ARAP2: variants seen among roughly 807,000 people sequenced by gnomAD.
ARAP2 encodes arf-GAP with Rho-GAP domain, ANK repeat and PH domain-containing protein 2.
ARAP2 carries 148 observed loss-of-function variants against 194.5 expected under a neutral mutation model. That is an observed-to-expected ratio of 0.76 (90% confidence interval 0.67 to 0.87). ARAP2 has a LOEUF of 0.87. Among genes scored for constraint, ARAP2 ranks in the 40% least tolerant of loss-of-function variants. The pLI, the probability that ARAP2 is intolerant of heterozygous loss-of-function variation, is 0.00. For synonymous variants in ARAP2, 695 were observed against 683.5 expected (o/e 1.02, Z -0.26); for missense variants, 2,128 against 1,989.7 (o/e 1.07, Z -1.32).
chr4:36,075,853 T>G (rs564128546), intron 31 of ARAP2, among the ~76,000 whole-genome samples: 53 of 152,234 alleles, frequency 3.5e-4, no homozygotes, highest in Non-Finnish European at 7.2e-4. Context: ...CACTTTAAAT[T>G]TAACCTTAAA....
intron 8 of ARAP2, among the ~76,000 whole-genome samples, chr4:36,013,774 G>T (rs906691980): frequency 1.3e-5 from 2 of 152,008 alleles, no homozygotes; most frequent in Non-Finnish European, 2.9e-5. Context: ...CTGATAACAG[G>T]TAATTATAGG....
chr4:36,159,994 C>T lies in ARAP2; in HGVS notation c.2442+465G>A, dbSNP rs550940681. The T allele has an allele frequency of 2.1e-5, 16 of 759,614 alleles. No individual in the cohort carries two copies. The East Asian group carries it at 1.7e-3, about 79-fold the overall frequency. The allele number at this position is 759,614 out of a possible 1,614,324, so 47.1% of individuals were successfully genotyped here. On this transcript the variant is annotated intron_variant, in intron 13 of 32. Coordinates refer to ENST00000303965, the MANE Select transcript of ARAP2 (RefSeq NM_015230.4). Reference sequence around the variant, plus strand: ...AATTCAGGATCTTCCCCTCAGGGGCCGAGGATAGGAAGGAGGAAGAACAGT... The same window carrying T: ...AATTCAGGATCTTCCCCTCAGGGGCTGAGGATAGGAAGGAGGAAGAACAGT...
At chr4:36,117,029 C>G (rs372713327) in intron 25 of ARAP2, 32 bp downstream of exon 25, 1 of 1,435,272 alleles carries the variant, frequency 7.0e-7, no homozygotes. Context: ...TGACTTCCAA[C>G]AGTCCTCTTT....
chr4:36,238,492 A>G (rs1371295364), intron 1 of ARAP2, among the ~76,000 whole-genome samples: 1 of 152,202 alleles, frequency 6.6e-6, no homozygotes, highest in Non-Finnish European at 1.5e-5. Context: ...TAGATATAAA[A>G]TTGATTTAAT....
At chr4:36,064,553 T>C (rs1002216101), downstream of ARAP2, among the ~76,000 whole-genome samples, 5 of 152,198 alleles carry the variant, frequency 3.3e-5, no homozygotes, top group African/African-American at 1.2e-4. Context: ...GGTGAGAGAT[T>C]GAAGGGTGGC....
intron 11 of ARAP2, 147 bp downstream of exon 11, chr4:36,164,765 CAT>C: frequency 2.6e-6 from 2 of 772,330 alleles, no homozygotes; most frequent in South Asian, 3.9e-5. Context: ...AGTTTAGACT[CAT>C]ATTTCTGAAT....
chr4:36,114,337 G>A (rs61798099), intron 25 of ARAP2, 50 bp from the exon 26 acceptor site: 1 of 1,137,392 alleles, frequency 8.8e-7, no homozygotes. Context: ...CACAGAAGTA[G>A]CCTTATGCTA....
intron 5 of ARAP2, among the ~76,000 whole-genome samples, chr4:36,028,013 G>A (rs1718218288): frequency 6.6e-6 from 1 of 152,052 alleles, no homozygotes; most frequent in African/African-American, 2.4e-5. Context: ...GAGGATTGGG[G>A]TACATAAATG....
intron 5 of ARAP2, among the ~76,000 whole-genome samples, chr4:36,024,679 G>T (rs1338692522): frequency 2.6e-5 from 4 of 151,920 alleles, no homozygotes; most frequent in Non-Finnish European, 4.4e-5. Context: ...AAAAGCAGCT[G>T]GTCTAAGAAA....
intron 10 of ARAP2, chr4:36,005,824 G>T (rs564955700): frequency 6.6e-6 from 1 of 152,270 alleles, no homozygotes; most frequent in East Asian, 1.9e-4. Context: ...AAAAGAAGAT[G>T]CTGTGTAATG....
At chr4:36,146,269 T>C (rs1279414018) in intron 19 of ARAP2, among the ~76,000 whole-genome samples, 1 of 152,020 alleles carries the variant, frequency 6.6e-6, no homozygotes, top group African/African-American at 2.4e-5. Context: ...ACACCCACTT[T>C]CACTTTTGTC....
chr4:36,123,283 G>A (rs978811041), intron 22 of ARAP2, among the ~76,000 whole-genome samples: 6 of 151,694 alleles, frequency 4.0e-5, no homozygotes, highest in African/African-American at 1.5e-4. Flanking sequence ...GGAATTAAGA[G>A]GATATTACTG....
intron 2 of ARAP2, among the ~76,000 whole-genome samples, chr4:36,217,659 T>C (rs976375643): frequency 6.6e-6 from 1 of 151,838 alleles, no homozygotes; most frequent in Non-Finnish European, 1.5e-5. Flanking sequence ...ATTAAAATGG[T>C]GCCAAATAGT....
chr4:36,187,603 T>A (rs932012561), intron 7 of ARAP2, 32 bp from the exon 8 acceptor site: 3 of 1,512,322 alleles, frequency 2.0e-6, no homozygotes, highest in African/African-American at 1.4e-5. Flanking sequence ...AGAAGACATA[T>A]GAAAACGAAA....
chr4:36,097,969 A>G (rs1715775413), intron 27 of ARAP2, among the ~76,000 whole-genome samples: 1 of 152,140 alleles, frequency 6.6e-6, no homozygotes, highest in Admixed American at 6.6e-5. Flanking sequence ...AGTCACACGT[A>G]GGAAACAAAG....
chr4:36,088,115 G>C (rs187144505), intron 28 of ARAP2, among the ~76,000 whole-genome samples: 100 of 152,110 alleles, frequency 6.6e-4, no homozygotes, highest in African/African-American at 2.4e-3. Context: ...TACTATATTT[G>C]TTTTTAGCAA....
intron 15 of ARAP2, among the ~76,000 whole-genome samples, chr4:36,153,968 C>A (rs560694557): frequency 6.6e-6 from 1 of 152,150 alleles, no homozygotes; most frequent in Non-Finnish European, 1.5e-5. Flanking sequence ...TGAGGTCACA[C>A]TAAGTATTTA....
chr4:36,161,620 A>G (rs2109782755), intron 11 of ARAP2, 70 bp from the exon 12 acceptor site: 2 of 1,283,896 alleles, frequency 1.6e-6, no homozygotes, highest in East Asian at 2.3e-5. Context: ...GTTTTGAAAG[A>G]AAGTGCATAT....
chr4:36,082,411 T>A lies in ARAP2; in HGVS notation c.4509-125A>T, dbSNP rs575374931. ...GGAATGCATAGACTTCCACAAGTGG[T>A]GATTCAATGTGTTGGACTTAGCTAG... On this transcript the variant is annotated intron_variant, in intron 29 of 32. Transcript: ENST00000303965. The A allele has an allele frequency of 3.2e-6, 3 of 932,344 alleles. No homozygotes were observed. In the East Asian group the frequency reaches 8.0e-5, roughly 25 times the overall value. The allele number at this position is 932,344 out of a possible 1,614,324, so 57.8% of individuals were successfully genotyped here.
Sources: gnomAD v4.1 joint callset for allele counts (sites outside exome capture counted in the v4.1 genomes callset) on GRCh38, gnomAD v4.1.1 for gene constraint, MANE v1.5 for transcripts, NCBI Gene and HGNC (gene_info 2026-07-23, HGNC 2026-07-21) for gene names.